The following HDAC2 variants were observed in gnomAD, a reference collection of about 807,000 sequenced individuals.
The protein encoded by HDAC2 is histone deacetylase 2.
HDAC2 carries 5 observed loss-of-function variants against 68.5 expected under a neutral mutation model. That is an observed-to-expected ratio of 0.07 (90% CI 0.04 to 0.15). The LOEUF (loss-of-function observed/expected upper bound fraction) is 0.15. HDAC2 is among the 10% of genes least tolerant of loss of function. The pLI is 1.00. For synonymous variants in HDAC2, 182 were observed against 191.3 expected (o/e 0.95, Z 0.40); for missense variants, 291 against 600.8 (o/e 0.48, Z 5.39).
At chr6:113,963,912 G>T (rs1317340529) in intron 1 of HDAC2, among the ~76,000 whole-genome samples, 1 of 152,116 alleles carries the variant, frequency 6.6e-6, no homozygotes, top group African/African-American at 2.4e-5. Context: ...GTCTACTAAG[G>T]TCCACAATCT....
rs1288211670 is a variant in HDAC2, at chr6:113,953,278, C to CT, written c.637dup (p.Arg213LysfsTer23). The CT allele has an allele frequency of 6.2e-7, 1 of 1,607,810 alleles. No individual in the cohort carries two copies. Among genetic ancestry groups the CT allele is most frequent in the East Asian group, 2.2e-5 (1 of 44,748 alleles). On this transcript the variant is annotated frameshift_variant and splice_region_variant, in exon 6 of 14. Coordinates refer to ENST00000519065, the MANE Select transcript of HDAC2 (RefSeq NM_001527.4). LOFTEE classifies it high-confidence loss of function. ...TTTTCAGACAGAATTTAGTCTTACCCTCAAGTCTCCTGTGCCAGGAAAGTA... is the reference window on the plus strand; with the variant it reads ...TTTTCAGACAGAATTTAGTCTTACCCTTCAAGTCTCCTGTGCCAGGAAAGTA...
rs1241651522 is a variant in HDAC2 at position 113,949,019 on chromosome 6, T to C, written c.801A>G (p.Leu267=). Residue 267 remains leucine (L), a synonymous_variant, in exon 8 of 14, where the codon TTA becomes TTG. Transcript: ENST00000519065. ...TGAAACAACCCAGTCTATCACCAGATAATGAGTCTGCACCACACTGTAATA... is the reference window on the plus strand; with the variant it reads ...TGAAACAACCCAGTCTATCACCAGACAATGAGTCTGCACCACACTGTAATA... The part of the protein sequence containing the change: ...AVVLQCGADS[L]SGDRLGCFNL... The C allele has an allele frequency of 6.2e-7, 1 of 1,614,084 alleles. No homozygotes were observed.
Position 113,940,536 on chromosome 6 carries a change from T to C in HDAC2, c.*522A>G. The C allele has an allele frequency of 6.5e-6, 1 of 152,936 alleles. No individual in the cohort carries two copies. The allele number at this position is 152,936 out of a possible 1,614,324, so 9.5% of individuals were successfully genotyped here. On this transcript the variant is annotated 3_prime_UTR_variant, in exon 14 of 14. Transcript: ENST00000519065. ...AGCTATAGAGGGCAAGGTGGTAGAA[T>C]TTCTATTGCAAAGATAAGTAATAAT...
chr6:113,940,958 A>G lies in HDAC2; in HGVS notation c.*100T>C, dbSNP rs949653771. The G allele has an allele frequency of 3.3e-5, 29 of 882,046 alleles. No individual in the cohort carries two copies. In the Admixed American group the frequency reaches 5.7e-4, roughly 17 times the overall value. 54.6% of individuals were successfully genotyped at this position (882,046 alleles called of 1,614,324 possible). A position where few individuals can be genotyped will look rare whatever the true frequency, so the allele number is the denominator to read the frequency against. On this transcript the variant is annotated 3_prime_UTR_variant, in exon 14 of 14. Coordinates refer to ENST00000519065, the MANE Select transcript of HDAC2 (RefSeq NM_001527.4). ...TTTGAAAATAAATACAGTCCATGCC[A>G]AAGTAGTATAAAATGAAGCCAGAAG... is the stretch of plus-strand genomic sequence containing the variant.
intron 1 of HDAC2, among the ~76,000 whole-genome samples, chr6:113,967,171 C>T (rs188116273): frequency 3.3e-5 from 5 of 152,078 alleles, no homozygotes; most frequent in African/African-American, 1.2e-4. Context: ...GACGGAGTTT[C>T]GCTCTTGTTG....
In HDAC2 at chr6:113,936,394, TAAC is replaced by T. The variant is rs920434114; in HGVS notation, c.*4661_*4663del. Reference sequence around the variant, plus strand: ...CATTGCTCATGTAAATAGCCAATAATAACAATATGATAGTTCTATTTTTTCTGT... The same window carrying T: ...CATTGCTCATGTAAATAGCCAATAATAATATGATAGTTCTATTTTTTCTGT... On this transcript the variant is annotated 3_prime_UTR_variant, in exon 14 of 14. Coordinates refer to ENST00000519065, the MANE Select transcript of HDAC2 (RefSeq NM_001527.4). 6.8e-6 allele frequency: 1 copy of T among 147,666 alleles called. No homozygotes were observed. Among genetic ancestry groups the T allele is most frequent in the Non-Finnish European group, 1.5e-5 (1 of 66,046 alleles). The allele number at this position is 147,666 out of a possible 1,614,324, so 9.1% of individuals were successfully genotyped here. A position where few individuals can be genotyped will look rare whatever the true frequency, so the allele number is the denominator to read the frequency against.
At position 113,940,435 on chromosome 6, in the gene HDAC2, T is replaced by C. The variant is rs1286348780; in HGVS notation, c.*623A>G. ...TCTTTGGGTCAACTCAAAGAACTCCTACATCTCAATTGCAGAGTCTGTATT... is the reference window on the plus strand; with the variant it reads ...TCTTTGGGTCAACTCAAAGAACTCCCACATCTCAATTGCAGAGTCTGTATT... On this transcript the variant is annotated 3_prime_UTR_variant, in exon 14 of 14. Transcript: ENST00000519065. 2 of 152,234 alleles carry C rather than the reference T, an allele frequency of 1.3e-5. No individual in the cohort carries two copies. Among genetic ancestry groups the C allele is most frequent in the African/African-American group, 4.8e-5 (2 of 41,464 alleles). The allele number at this position is 152,234 out of a possible 1,614,324, so 9.4% of individuals were successfully genotyped here. A position where few individuals can be genotyped will look rare whatever the true frequency, so the allele number is the denominator to read the frequency against.
At chr6:113,944,693 T>C (rs1168284194) in intron 10 of HDAC2, among the ~76,000 whole-genome samples, 1 of 152,076 alleles carries the variant, frequency 6.6e-6, no homozygotes, top group Non-Finnish European at 1.5e-5. Flanking sequence ...AAGGTCTCAC[T>C]ATATGGCCCA....
chr6:113,947,462 G>A lies in HDAC2; in HGVS notation c.842-1314C>T, dbSNP rs190350811. ...CTTGGAATTACAAATATCCTTACACGCTTTATGCAACTGAAACTCTATTAG... is the reference window on the plus strand; with the variant it reads ...CTTGGAATTACAAATATCCTTACACACTTTATGCAACTGAAACTCTATTAG... On this transcript the variant is annotated intron_variant, in intron 8 of 13. Coordinates refer to ENST00000519065, the MANE Select transcript of HDAC2 (RefSeq NM_001527.4). 1.8e-3 allele frequency: 280 copies of A among 152,184 alleles called. 1 individual carries two copies. Among genetic ancestry groups the A allele is most frequent in the African/African-American group, 6.2e-3 (259 of 41,556 alleles). 9.4% of individuals were successfully genotyped at this position (152,184 alleles called of 1,614,324 possible). A position where few individuals can be genotyped will look rare whatever the true frequency, so the allele number is the denominator to read the frequency against.
chr6:113,945,737 T>C (rs1221738492), intron 9 of HDAC2, among the ~76,000 whole-genome samples: 1 of 152,232 alleles, frequency 6.6e-6, no homozygotes, highest in African/African-American at 2.4e-5. Flanking sequence ...TTGTATTCAG[T>C]ACATTACATG....
In HDAC2 at chr6:113,936,332, G is replaced by T. The variant is rs992738595; in HGVS notation, c.*4726C>A. ...TACAGTGAGGAAATGCAGCAATTGAGAAGCTTCTAAATGCTGTAATCCTAA... is the reference window on the plus strand; with the variant it reads ...TACAGTGAGGAAATGCAGCAATTGATAAGCTTCTAAATGCTGTAATCCTAA... On this transcript the variant is annotated 3_prime_UTR_variant, in exon 14 of 14. Coordinates refer to ENST00000519065, the MANE Select transcript of HDAC2 (RefSeq NM_001527.4). The T allele has an allele frequency of 6.6e-6, 1 of 152,148 alleles. No individual in the cohort carries two copies. The highest frequency in any genetic ancestry group is 2.4e-5 in the African/African-American group (1 of 41,432). The allele number at this position is 152,148 out of a possible 1,614,324, so 9.4% of individuals were successfully genotyped here.
At chr6:113,970,699 C>T in intron 1 of HDAC2, 158 bp downstream of exon 1, 1 of 1,385,574 alleles carries the variant, frequency 7.2e-7, no homozygotes, top group Non-Finnish European at 9.3e-7. Flanking sequence ...AAGAGGGTCT[C>T]GTTCTAACTG....
chr6:113,965,675 C>T (rs1467077177), intron 1 of HDAC2, among the ~76,000 whole-genome samples: 1 of 152,200 alleles, frequency 6.6e-6, no homozygotes, highest in Admixed American at 6.5e-5. Flanking sequence ...CCGGCCCCCT[C>T]TCTTACTTTA....
rs1436482648 is a variant in HDAC2 at position 113,933,736 on chromosome 6, T to C, written c.*7322A>G. The C allele has an allele frequency of 6.6e-6, 1 of 151,616 alleles. No individual in the cohort carries two copies. Among genetic ancestry groups the C allele is most frequent in the Non-Finnish European group, 1.5e-5 (1 of 67,854 alleles). The allele number at this position is 151,616 out of a possible 1,614,324, so 9.4% of individuals were successfully genotyped here. On this transcript the variant is annotated 3_prime_UTR_variant, in exon 14 of 14. Coordinates refer to ENST00000519065, the MANE Select transcript of HDAC2 (RefSeq NM_001527.4). ...AGTAAGCAGAATGGTGGCTGCTCCT[T>C]GTCTGACATTCTTTGTGTGTGTGTA...
Position 113,935,008 on chromosome 6 carries a change from G to T in HDAC2, c.*6050C>A, listed in dbSNP as rs1269674546. The T allele has an allele frequency of 6.6e-6, 1 of 152,082 alleles. No individual in the cohort carries two copies. The highest frequency in any genetic ancestry group is 1.5e-5 in the Non-Finnish European group (1 of 68,020). 9.4% of individuals were successfully genotyped at this position (152,082 alleles called of 1,614,324 possible). On this transcript the variant is annotated 3_prime_UTR_variant, in exon 14 of 14. Transcript: ENST00000519065. The stretch of plus-strand genomic sequence containing the variant: ...TGAAAAGAACATACCTAGATTCTAC[G>T]GAAATTAGAAATCTAGCCTTTTTAA...
At chr6:113,949,286 T>G (rs1018071012) in intron 6 of HDAC2, 26 bp from the exon 7 acceptor site, 13 of 1,323,862 alleles carry the variant, frequency 9.8e-6, no homozygotes, top group Non-Finnish European at 1.2e-5. Context: ...AAACTGATCT[T>G]AGAGAATATT....
At chr6:113,955,603 A>T (rs1776534619) in intron 5 of HDAC2, among the ~76,000 whole-genome samples, 1 of 151,246 alleles carries the variant, frequency 6.6e-6, no homozygotes, top group African/African-American at 2.4e-5. Context: ...CTGCAGACTC[A>T]ACTTCCTGGG....
rs546369889 is a variant in HDAC2 at position 113,943,367 on chromosome 6, T to C, written c.1362A>G (p.Thr454=). ...AAATCTGACCTGTTTTTTTGTCCTC[T>C]GTTTCTTTCTTATCTTCTTCAATTC... The part of the protein sequence containing the change: ...KARIEEDKKE[T]EDKKTDVKEE... The change falls in exon 12 of 14, where the codon ACA becomes ACG. Residue 454 remains threonine, a synonymous_variant. Transcript: ENST00000519065. 9 of 1,600,752 alleles carry C rather than the reference T, an allele frequency of 5.6e-6. No individual in the cohort carries two copies. The Admixed American group carries it at 7.0e-5, about 13-fold the overall frequency.
Position 113,970,677 on chromosome 6 carries a change from G to A in HDAC2, c.52+180C>T, listed in dbSNP as rs1389112636. The A allele has an allele frequency of 1.2e-5, 16 of 1,354,550 alleles. No individual in the cohort carries two copies. The Admixed American group carries it at 5.0e-4, about 42-fold the overall frequency. 83.9% of individuals were successfully genotyped at this position (1,354,550 alleles called of 1,614,324 possible). A position where few individuals can be genotyped will look rare whatever the true frequency, so the allele number is the denominator to read the frequency against. On this transcript the variant is annotated intron_variant, in intron 1 of 13. Coordinates refer to ENST00000519065, the MANE Select transcript of HDAC2 (RefSeq NM_001527.4). ...GATTCCCGCCCGCAGGAACCGCGGG[G>A]GCTGCGCCAGGAAGAGGGTCTCGTT...
Sources: gnomAD v4.1 joint callset for allele counts (sites outside exome capture counted in the v4.1 genomes callset) on GRCh38, gnomAD v4.1.1 for gene constraint, MANE v1.5 for transcripts, NCBI Gene and HGNC (gene_info 2026-07-23, HGNC 2026-07-21) for gene names.